Variants in LRRC20 observed in about 807,000 individuals in gnomAD.
LRRC20 encodes the protein leucine-rich repeat-containing protein 20.
Under a neutral mutation model 14.4 loss-of-function variants are expected in LRRC20, and 11 were observed. The observed-to-expected ratio is 0.77, with a 90% CI of 0.48 to 1.27. The LOEUF (loss-of-function observed/expected upper bound fraction) is 1.27, where lower values mean the gene tolerates loss of function less well. Ranked by LOEUF, LRRC20 falls within the 50% of genes most tolerant of loss-of-function variation. The pLI is 0.00. For missense variants in LRRC20, 219 were observed against 251.2 expected (o/e 0.87, Z 0.87); for synonymous variants, 121 against 107.3 (o/e 1.13, Z -0.79).
At chr10:70,368,433 AG>A (rs1477562783) in intron 2 of LRRC20, among the ~76,000 whole-genome samples, 1 of 151,968 alleles carries the variant, frequency 6.6e-6, no homozygotes, top group East Asian at 1.9e-4. Flanking sequence ...CTGGGATTAC[AG>A]GGGTGAGCCA....
At chr10:70,361,782 G>A (rs149184138) in intron 2 of LRRC20, among the ~76,000 whole-genome samples, 30 of 150,206 alleles carry the variant, frequency 2.0e-4, no homozygotes, top group African/African-American at 5.9e-4. Context: ...CACATCTGCC[G>A]GAGTGAATGT....
At chr10:70,359,635 A>C (rs894459914) in intron 2 of LRRC20, among the ~76,000 whole-genome samples, 3 of 152,214 alleles carry the variant, frequency 2.0e-5, no homozygotes, top group African/African-American at 7.2e-5. Context: ...CTCCCTTTCT[A>C]GATATCCCTC....
chr10:70,306,216 A>C (rs1841420631), intron 4 of LRRC20, among the ~76,000 whole-genome samples: 1 of 150,872 alleles, frequency 6.6e-6, no homozygotes, highest in African/African-American at 2.4e-5. Context: ...ATTTCCTAGG[A>C]ATTGGGACAT....
At chr10:70,372,178 T>C (rs1844302416) in intron 2 of LRRC20, among the ~76,000 whole-genome samples, 1 of 152,212 alleles carries the variant, frequency 6.6e-6, no homozygotes, top group Non-Finnish European at 1.5e-5. Context: ...GTTGTCAAGA[T>C]GTGTGTTTTA....
intron 3 of LRRC20, 89 bp from the exon 4 acceptor site, chr10:70,324,119 C>T: frequency 3.9e-6 from 5 of 1,285,918 alleles, no homozygotes; most frequent in Non-Finnish European, 5.5e-6. Context: ...CTCACCCTGC[C>T]TGGGCCAGGA....
chr10:70,301,486 G>A lies in LRRC20; in HGVS notation c.423C>T (p.Ala141=), dbSNP rs747635106. Reference sequence around the variant, plus strand: ...TGATGCTGCGCAAGGCTGGCATGGCGGCCAGCTTCTCCACGGGCACATCTA... The same window carrying A: ...TGATGCTGCGCAAGGCTGGCATGGCAGCCAGCTTCTCCACGGGCACATCTA... ...EIVDVPVEKL[A]AMPALRSINL... Residue 141 remains alanine (A), a synonymous_variant, in exon 5 of 5, where the codon GCC becomes GCT. Transcript: ENST00000446961. 1.5e-5 allele frequency: 25 copies of A among 1,613,930 alleles called. No individual in the cohort carries two copies. The highest frequency in any genetic ancestry group is 8.0e-5 in the African/African-American group (6 of 74,954).
At chr10:70,317,824 C>A (rs1589951456) in intron 4 of LRRC20, among the ~76,000 whole-genome samples, 1 of 152,182 alleles carries the variant, frequency 6.6e-6, no homozygotes, top group Admixed American at 6.5e-5. Context: ...GGTCAAGGCA[C>A]CCTCCCTGGC....
intron 3 of LRRC20, among the ~76,000 whole-genome samples, chr10:70,324,463 G>A (rs1842240297): frequency 6.6e-6 from 1 of 152,204 alleles, no homozygotes; most frequent in African/African-American, 2.4e-5. Context: ...CCTGCTCAAG[G>A]AGCCACCAGG....
At chr10:70,307,869 C>A (rs1841484741) in intron 4 of LRRC20, among the ~76,000 whole-genome samples, 1 of 152,256 alleles carries the variant, frequency 6.6e-6, no homozygotes, top group South Asian at 2.1e-4. Flanking sequence ...TGCCTGCATG[C>A]AGTACAACAG....
intron 3 of LRRC20, among the ~76,000 whole-genome samples, chr10:70,336,281 A>G (rs188325797): frequency 7.5e-4 from 114 of 152,260 alleles, no homozygotes; most frequent in Middle Eastern, 3.4e-3. Flanking sequence ...GATGTGAGAG[A>G]CTGAATATAC....
intron 2 of LRRC20, among the ~76,000 whole-genome samples, chr10:70,374,268 A>G (rs975748961): frequency 1.3e-5 from 2 of 151,640 alleles, no homozygotes; most frequent in Non-Finnish European, 2.9e-5. Context: ...CCCGGTGAGA[A>G]TTGTTTTCCC....
intron 4 of LRRC20, among the ~76,000 whole-genome samples, chr10:70,306,754 T>G (rs1488884032): frequency 6.6e-6 from 1 of 152,206 alleles, no homozygotes; most frequent in Non-Finnish European, 1.5e-5. Context: ...CTCACCAACA[T>G]TTAGCATTCA....
Position 70,309,043 on chromosome 10 carries a change from T to C in LRRC20, c.401-7535A>G, listed in dbSNP as rs892058685. On this transcript the variant is annotated intron_variant, in intron 4 of 4. Transcript: ENST00000446961. ...GCTGGGAAGAAAAGGGCTAATTCCT[T>C]GGACTCTTGCACATCTTCATATTCA... Among the ~76,000 whole-genome samples, 10 of 152,192 alleles carry C rather than the reference T, an allele frequency of 6.6e-5. No homozygotes were observed. The East Asian group carries it at 1.9e-3, about 29-fold the overall frequency.
chr10:70,349,568 A>G (rs575808108), intron 2 of LRRC20, among the ~76,000 whole-genome samples: 1 of 152,280 alleles, frequency 6.6e-6, no homozygotes, highest in South Asian at 2.1e-4. Context: ...ACAGAGCAAG[A>G]CTCTGTCTCA....
chr10:70,303,739 C>T (rs1427187791), intron 4 of LRRC20, among the ~76,000 whole-genome samples: 1 of 152,200 alleles, frequency 6.6e-6, no homozygotes, highest in Non-Finnish European at 1.5e-5. Context: ...AAATTTAAGA[C>T]AGCCCTAAGC....
chr10:70,311,156 TG>T (rs1841640510), intron 4 of LRRC20, among the ~76,000 whole-genome samples: 1 of 151,888 alleles, frequency 6.6e-6, no homozygotes, highest in South Asian at 2.1e-4. Flanking sequence ...TCATAATCCA[TG>T]GGATGGATGT....
chr10:70,347,082 C>T (rs1843100071), intron 2 of LRRC20, among the ~76,000 whole-genome samples: 1 of 152,142 alleles, frequency 6.6e-6, no homozygotes, highest in South Asian at 2.1e-4. Flanking sequence ...GACAGTGTTT[C>T]ACCATGCTGC....
Position 70,301,239 on chromosome 10 carries a change from T to G in LRRC20, c.*115A>C. On this transcript the variant is annotated 3_prime_UTR_variant, in exon 5 of 5. Coordinates refer to ENST00000446961, the MANE Select transcript of LRRC20 (RefSeq NM_001278212.2). ...CAGCTGCACCCCACCCACCACGTGC[T>G]GCTCGGCCCACCCGCCCCCAGCCCC... 1 of 1,469,898 alleles carries G rather than the reference T, an allele frequency of 6.8e-7. No homozygotes were observed. Among genetic ancestry groups the G allele is most frequent in the Non-Finnish European group, 9.0e-7 (1 of 1,116,694 alleles). 91.1% of individuals were successfully genotyped at this position (1,469,898 alleles called of 1,614,324 possible). A position where few individuals can be genotyped will look rare whatever the true frequency, so the allele number is the denominator to read the frequency against.
chr10:70,308,941 C>T (rs1359026698), intron 4 of LRRC20, among the ~76,000 whole-genome samples: 1 of 152,150 alleles, frequency 6.6e-6, no homozygotes, highest in Non-Finnish European at 1.5e-5. Flanking sequence ...GGTGTGGGGG[C>T]TAAAGAAAGG....
Sources: gnomAD v4.1 joint callset for allele counts (sites outside exome capture counted in the v4.1 genomes callset) on GRCh38, gnomAD v4.1.1 for gene constraint, MANE v1.5 for transcripts, NCBI Gene and HGNC (gene_info 2026-07-23, HGNC 2026-07-21) for gene names.